SEPTIN9: variants seen among roughly 807,000 people sequenced by gnomAD.
SEPTIN9 encodes septin 9, also known as septin-9.
A neutral mutation model predicts 56.6 loss-of-function variants in SEPTIN9; 13 were observed. That is an observed-to-expected ratio of 0.23 (90% CI 0.15 to 0.37). The LOEUF is 0.37. Ranked by LOEUF, SEPTIN9 falls within the 10% of genes least tolerant of loss-of-function variation. SEPTIN9 has a pLI of 1.00. For missense variants in SEPTIN9, 650 were observed against 823.1 expected (o/e 0.79, Z 2.57); for synonymous variants, 332 against 334.1 (o/e 0.99, Z 0.07).
intron 2 of SEPTIN9, among the ~76,000 whole-genome samples, chr17:77,384,146 A>AGGCTGGCTGGG (rs531091830): frequency 5.3e-5 from 8 of 151,022 alleles, no homozygotes; most frequent in South Asian, 4.2e-4. Context: ...GGCTGGCGGG[A>AGGCTGGCTGGG]GGCTGGCTGG....
intron 2 of SEPTIN9, among the ~76,000 whole-genome samples, chr17:77,363,452 A>C (rs2034482536): frequency 8.0e-6 from 1 of 124,690 alleles, no homozygotes; most frequent in Non-Finnish European, 1.6e-5. Context: ...CAGTGGTGTA[A>C]TCTTGGCTCA....
chr17:77,328,482 C>T (rs1170345601), intron 2 of SEPTIN9, among the ~76,000 whole-genome samples: 1 of 152,366 alleles, frequency 6.6e-6, no homozygotes, highest in African/African-American at 2.4e-5. Context: ...TCTCCTGCCT[C>T]AGCCTCCCAA....
chr17:77,423,331 C>T (rs540524970), intron 3 of SEPTIN9, among the ~76,000 whole-genome samples: 17 of 152,346 alleles, frequency 1.1e-4, no homozygotes, highest in South Asian at 4.1e-4. Context: ...CCACTGCGCC[C>T]GGCCTGATAC....
chr17:77,314,596 C>A (rs747392350), intron 2 of SEPTIN9, among the ~76,000 whole-genome samples: 7 of 152,146 alleles, frequency 4.6e-5, no homozygotes, highest in Non-Finnish European at 8.8e-5. Context: ...AAGATGGCAG[C>A]AAATCCGAGC....
rs763954299 is a variant in SEPTIN9, at chr17:77,402,501, C to T, written c.519C>T (p.Pro173=). 32 of 1,603,394 alleles carry T rather than the reference C, an allele frequency of 2.0e-5. No homozygotes were observed. The highest frequency in any genetic ancestry group is 1.4e-4 in the East Asian group (6 of 44,256). The stretch of plus-strand genomic sequence containing the variant: ...TGGAGCCCCCTGCCTCCAAGGTCCC[C>T]GAGGTGCCCACTGCCCCTGCCACCG... ...RRMEPPASKV[P]EVPTAPATDA... Residue 173 remains proline, a synonymous_variant, in exon 3 of 12, where the codon CCC becomes CCT. Transcript: ENST00000427177. The surrounding 1 kb of genome is among the most constrained non-coding windows in gnomAD (Gnocchi z 6.6).
intron 2 of SEPTIN9, among the ~76,000 whole-genome samples, chr17:77,370,035 C>T (rs1401974492): frequency 2.0e-5 from 3 of 152,210 alleles, no homozygotes; most frequent in Non-Finnish European, 2.9e-5. Context: ...ATCTGCTGGA[C>T]GGGTGGGCTA....
chr17:77,486,528 ACG>A (rs988601176), intron 4 of SEPTIN9, among the ~76,000 whole-genome samples: 5 of 100,426 alleles, frequency 5.0e-5, no homozygotes, highest in Non-Finnish European at 7.5e-5. Context: ...GTGTGCGCGC[ACG>A]CGCGCGCGTG....
chr17:77,299,023 T>C (rs1034274573), intron 1 of SEPTIN9, among the ~76,000 whole-genome samples: 2 of 152,206 alleles, frequency 1.3e-5, no homozygotes, highest in African/African-American at 4.8e-5. Flanking sequence ...ATCCTGATGA[T>C]ACCTACCTCC....
rs1263254812 is a variant in SEPTIN9 at position 77,487,296 on chromosome 17, G to A, written c.914-128G>A. 18 of 1,022,278 alleles carry A rather than the reference G, an allele frequency of 1.8e-5. No homozygotes were observed. Among genetic ancestry groups the A allele is most frequent in the South Asian group, 8.5e-5 (6 of 70,430 alleles). 63.3% of individuals were successfully genotyped at this position (1,022,278 alleles called of 1,614,324 possible). ...GGGGCTGCTTGGCAGGGATATTGCC[G>A]GGAGGTAGCCCAGGCACTGCTGAAT... is the stretch of plus-strand genomic sequence containing the variant. On this transcript the variant is annotated intron_variant, in intron 4 of 11. Coordinates refer to ENST00000427177, the MANE Select transcript of SEPTIN9 (RefSeq NM_001113491.2). This position sits in a 1 kb window ranked among gnomAD's most constrained non-coding sequence, Gnocchi z 4.3.
chr17:77,349,507 GTC>G (rs1357165283), intron 2 of SEPTIN9, among the ~76,000 whole-genome samples: 2 of 152,206 alleles, frequency 1.3e-5, no homozygotes, highest in African/African-American at 2.4e-5. Context: ...GGGTTCCAGT[GTC>G]TTTGGCCTCC....
Position 77,433,667 on chromosome 17 carries a change from G to A in SEPTIN9, c.721+30964G>A, listed in dbSNP as rs1291876511. 2.0e-5 allele frequency among the ~76,000 whole-genome samples: 3 copies of A among 152,162 alleles called. No individual in the cohort carries two copies. The highest frequency in any genetic ancestry group is 4.4e-5 in the Non-Finnish European group (3 of 68,012). On this transcript the variant is annotated intron_variant, in intron 3 of 11. Coordinates refer to ENST00000427177, the MANE Select transcript of SEPTIN9 (RefSeq NM_001113491.2). The surrounding 1 kb of genome is among the most constrained non-coding windows in gnomAD (Gnocchi z 6.4). ...GACCTGTGGCTGGATCTAGCTGCCCGTGGACAGGCTGTGAGTGAATCTGCA... is the reference window on the plus strand; with the variant it reads ...GACCTGTGGCTGGATCTAGCTGCCCATGGACAGGCTGTGAGTGAATCTGCA...
intron 2 of SEPTIN9, among the ~76,000 whole-genome samples, chr17:77,348,970 G>A (rs1202468879): frequency 6.6e-6 from 1 of 152,138 alleles, no homozygotes; most frequent in Admixed American, 6.5e-5. Context: ...TTCCCATCTG[G>A]TCTCATTTCC....
At position 77,475,260 on chromosome 17, in the gene SEPTIN9, G is replaced by A; in HGVS notation, c.722-6884G>A. 7.2e-7 allele frequency: 1 copy of A among 1,383,788 alleles called. No homozygotes were observed. The highest frequency in any genetic ancestry group is 9.3e-7 in the Non-Finnish European group (1 of 1,070,288). 85.7% of individuals were successfully genotyped at this position (1,383,788 alleles called of 1,614,324 possible). On this transcript the variant is annotated intron_variant, in intron 3 of 11. Transcript: ENST00000427177. The surrounding 1 kb of genome is among the most constrained non-coding windows in gnomAD (Gnocchi z 4.6). ...CATTATTCAGTTACCATCGTGGGGA[G>A]ACTGTCTGGACGCAGAGAGCAGGCT...
chr17:77,284,734 A>T (rs1439044307), intron 1 of SEPTIN9, among the ~76,000 whole-genome samples: 1 of 152,110 alleles, frequency 6.6e-6, no homozygotes, highest in African/African-American at 2.4e-5. Flanking sequence ...GGTTCAAGTG[A>T]TTCTCCTGCC....
intron 3 of SEPTIN9, among the ~76,000 whole-genome samples, chr17:77,467,746 C>T (rs1004845782): frequency 4.6e-5 from 7 of 152,190 alleles, no homozygotes; most frequent in South Asian, 4.1e-4. Context: ...CCAGCGCGGC[C>T]GGCACAGAGG....
chr17:77,310,437 C>T lies in SEPTIN9; in HGVS notation c.76+3240C>T, dbSNP rs1484911050. Among the ~76,000 whole-genome samples, 2 of 152,188 alleles carry T rather than the reference C, an allele frequency of 1.3e-5. No individual in the cohort carries two copies. The highest frequency in any genetic ancestry group is 2.4e-5 in the African/African-American group (1 of 41,448). ...ACAACGTGACGGCGTGGAGACTTAT[C>T]CGTGTAGATCCACGAAGCCTTGGTT... On this transcript the variant is annotated intron_variant, in intron 2 of 11. Transcript: ENST00000427177. The surrounding 1 kb of genome is among the most constrained non-coding windows in gnomAD (Gnocchi z 4.7).
chr17:77,393,392 C>T (rs1029107958), intron 2 of SEPTIN9, among the ~76,000 whole-genome samples: 29 of 152,042 alleles, frequency 1.9e-4, no homozygotes, highest in African/African-American at 6.0e-4. Context: ...GGTGGAGACA[C>T]GGAAATAGGC....
chr17:77,430,889 G>A (rs2037102977), intron 3 of SEPTIN9, among the ~76,000 whole-genome samples: 2 of 152,110 alleles, frequency 1.3e-5, no homozygotes, highest in South Asian at 4.1e-4. Flanking sequence ...TACTCTGGAG[G>A]CTGAGGCAGG....
At chr17:77,291,661 G>T (rs945686097) in intron 1 of SEPTIN9, among the ~76,000 whole-genome samples, 3 of 151,976 alleles carry the variant, frequency 2.0e-5, no homozygotes, top group African/African-American at 7.2e-5. Context: ...TTTTTGTAGC[G>T]ACAGGGTCTT....
Sources: gnomAD v4.1 joint callset for allele counts (sites outside exome capture counted in the v4.1 genomes callset) on GRCh38, gnomAD v4.1.1 for gene constraint, Gnocchi (gnomAD v3.1) non-coding constraint, MANE v1.5 for transcripts, NCBI Gene and HGNC (gene_info 2026-07-23, HGNC 2026-07-21) for gene names.